TMEM87A: variants seen among roughly 807,000 people sequenced by gnomAD.
The protein encoded by TMEM87A is transmembrane protein 87A, also known as Golgi-pH regulating cation channel.
In TMEM87A, 50 loss-of-function variants were observed where a neutral mutation model predicts 90.0. That is an observed-to-expected ratio of 0.56 (90% CI 0.44 to 0.70). The LOEUF (loss-of-function observed/expected upper bound fraction) is 0.70, where lower values mean the gene tolerates loss of function less well. TMEM87A is among the 30% of genes least tolerant of loss of function. The pLI is 0.00. For synonymous variants in TMEM87A, 226 were observed against 226.7 expected (o/e 1.00, Z 0.03); for missense variants, 577 against 660.5 (o/e 0.87, Z 1.39).
In TMEM87A at chr15:42,244,119, TA is replaced by T; in HGVS notation, c.552del (p.Phe184LeufsTer19). On this transcript the variant is annotated frameshift_variant, in exon 7 of 20. Coordinates refer to ENST00000389834, the MANE Select transcript of TMEM87A (RefSeq NM_015497.5). LOFTEE classifies it high-confidence loss of function. ...GAGGATGAAATGCCAATATGTACAATAAAAATGTATGGTGCATCTTGCCAAG... is the reference window on the plus strand; with the variant it reads ...GAGGATGAAATGCCAATATGTACAATAAAATGTATGGTGCATCTTGCCAAG... ...LQTWQDAPYIFIVHIGISSSK... is the reference protein window; with the variant it reads ...LQTWQDAPYIXIVHIGISSSK... 1 of 1,579,794 alleles carries T rather than the reference TA, an allele frequency of 6.3e-7. No homozygotes were observed. Among genetic ancestry groups the T allele is most frequent in the Non-Finnish European group, 8.6e-7 (1 of 1,169,160 alleles).
At chr15:42,263,379 C>T (rs1169486223) in intron 4 of TMEM87A, among the ~76,000 whole-genome samples, 1 of 152,062 alleles carries the variant, frequency 6.6e-6, no homozygotes, top group Non-Finnish European at 1.5e-5. Context: ...GAGTGGTTAC[C>T]ATGGTCTTGG....
intron 6 of TMEM87A, among the ~76,000 whole-genome samples, chr15:42,260,198 C>T (rs1048080999): frequency 6.6e-6 from 1 of 152,060 alleles, no homozygotes; most frequent in African/African-American, 2.4e-5. Context: ...CATGGTGAGA[C>T]CCAACCCCCA....
chr15:42,256,281 C>T (rs984591681), intron 6 of TMEM87A, among the ~76,000 whole-genome samples: 4 of 152,016 alleles, frequency 2.6e-5, no homozygotes, highest in African/African-American at 9.7e-5. Context: ...GCTGGGATTA[C>T]AGGTGTACCC....
intron 1 of TMEM87A, chr15:42,272,699 T>G: frequency 3.0e-6 from 1 of 328,390 alleles, no homozygotes; most frequent in Non-Finnish European, 6.0e-6. Flanking sequence ...AAGTACTATT[T>G]CTTCAATTTT....
At chr15:42,259,590 A>AC in intron 6 of TMEM87A, among the ~76,000 whole-genome samples, 1 of 152,264 alleles carries the variant, frequency 6.6e-6, no homozygotes, top group African/African-American at 2.4e-5. Flanking sequence ...GACCTTACCA[A>AC]CTGAGGCTAT....
At chr15:42,248,205 A>G (rs1380899210) in intron 6 of TMEM87A, among the ~76,000 whole-genome samples, 1 of 152,088 alleles carries the variant, frequency 6.6e-6, no homozygotes, top group Non-Finnish European at 1.5e-5. Flanking sequence ...GGTTTTCTAA[A>G]TATACAATCA....
rs142525635 is a variant in TMEM87A, at chr15:42,240,241, T to C, written c.623-510A>G. Among the ~76,000 whole-genome samples the C allele has an allele frequency of 6.4e-3, 970 of 152,354 alleles. 13 individuals are homozygous for C. The highest frequency in any genetic ancestry group is 0.022 in the African/African-American group (927 of 41,572). On this transcript the variant is annotated intron_variant, in intron 7 of 19. Transcript: ENST00000389834. ...TTTCATGGACTCCAATTTTCTTTTA[T>C]TGCTACATTCATGTATCATTTTCGG...
intron 19 of TMEM87A, among the ~76,000 whole-genome samples, chr15:42,214,952 T>C (rs980140425): frequency 2.6e-5 from 4 of 152,222 alleles, no homozygotes; most frequent in African/African-American, 9.6e-5. Flanking sequence ...CAGTCACGTA[T>C]ACTTAATGAT....
chr15:42,237,383 AT>A (rs1360978707), intron 9 of TMEM87A, 48 bp downstream of exon 9: 14 of 1,585,866 alleles, frequency 8.8e-6, no homozygotes, highest in Non-Finnish European at 1.0e-5. Flanking sequence ...ATTTTCATAC[AT>A]CTCACCTTCC....
chr15:42,210,471 C>G lies in TMEM87A; in HGVS notation c.*1237G>C, dbSNP rs1398256062. On this transcript the variant is annotated 3_prime_UTR_variant, in exon 20 of 20. Coordinates refer to ENST00000389834, the MANE Select transcript of TMEM87A (RefSeq NM_015497.5). ...ATAAAAGCCATAGAAAGAAATTTTT[C>G]ATGAGTTTGACAGAAAGAGTCTTTA... is the stretch of plus-strand genomic sequence containing the variant. The G allele has an allele frequency of 2.0e-5, 3 of 151,920 alleles. No individual in the cohort carries two copies. Among genetic ancestry groups the G allele is most frequent in the Admixed American group, 2.0e-4 (3 of 15,264 alleles). The allele number at this position is 151,920 out of a possible 1,614,324, so 9.4% of individuals were successfully genotyped here.
intron 3 of TMEM87A, among the ~76,000 whole-genome samples, chr15:42,264,671 A>G (rs949782410): frequency 8.4e-6 from 1 of 118,474 alleles, no homozygotes; most frequent in African/African-American, 3.0e-5. Context: ...TCAGAACTAT[A>G]TATATGTGTG....
chr15:42,235,237 C>G (rs900710710), intron 10 of TMEM87A, among the ~76,000 whole-genome samples: 2 of 152,190 alleles, frequency 1.3e-5, no homozygotes, highest in African/African-American at 2.4e-5. Flanking sequence ...CAGGGTTTCA[C>G]TGTGTTGTCC....
intron 6 of TMEM87A, among the ~76,000 whole-genome samples, chr15:42,244,774 T>C (rs568947102): frequency 2.7e-5 from 4 of 146,558 alleles, no homozygotes; most frequent in Admixed American, 6.7e-5. Context: ...GTAGTGACTC[T>C]TGCTTTTCAC....
chr15:42,230,950 A>C (rs540869153), intron 12 of TMEM87A, among the ~76,000 whole-genome samples: 305 of 152,288 alleles, frequency 2.0e-3, no homozygotes, highest in Non-Finnish European at 3.5e-3. Context: ...AAAAGCCAAA[A>C]GATTTTATCT....
At chr15:42,246,232 T>G (rs1463249285) in intron 6 of TMEM87A, among the ~76,000 whole-genome samples, 1 of 152,232 alleles carries the variant, frequency 6.6e-6, no homozygotes, top group African/African-American at 2.4e-5. Flanking sequence ...CTTTTTGAGT[T>G]GAAGGAATTG....
At chr15:42,269,892 C>T (rs186166982) in intron 2 of TMEM87A, among the ~76,000 whole-genome samples, 3,978 of 128,860 alleles carry the variant, frequency 0.031, 61 homozygotes, top group Non-Finnish European at 0.035. Flanking sequence ...GCCGAGATTG[C>T]GCCACTGCAA....
At chr15:42,266,515 CA>C (rs55840677) in intron 3 of TMEM87A, among the ~76,000 whole-genome samples, 5 of 141,744 alleles carry the variant, frequency 3.5e-5, no homozygotes, top group South Asian at 4.5e-4. Context: ...GACTCCATCT[CA>C]AAAAAAAAAA....
chr15:42,232,703 T>G (rs190898044), intron 11 of TMEM87A, among the ~76,000 whole-genome samples: 1 of 151,986 alleles, frequency 6.6e-6, no homozygotes, highest in Non-Finnish European at 1.5e-5. Context: ...AGGATGGTCT[T>G]GATCTTCTGA....
intron 6 of TMEM87A, among the ~76,000 whole-genome samples, chr15:42,247,293 AGTTCT>A (rs1351866758): frequency 6.6e-6 from 1 of 151,896 alleles, no homozygotes; most frequent in African/African-American, 2.4e-5. Flanking sequence ...CTCTTTAATT[AGTTCT>A]GATTTATCTA....
Sources: gnomAD v4.1 joint callset for allele counts (sites outside exome capture counted in the v4.1 genomes callset) on GRCh38, gnomAD v4.1.1 for gene constraint, MANE v1.5 for transcripts, NCBI Gene and HGNC (gene_info 2026-07-23, HGNC 2026-07-21) for gene names.